Variants in PYM1 observed in about 807,000 individuals in gnomAD.
The protein encoded by PYM1 is PYM1 exon junction complex associated factor, also known as partner of Y14 and mago.
In PYM1, 7 loss-of-function variants were observed where a neutral mutation model predicts 20.7. The observed-to-expected ratio is 0.34, with a 90% confidence interval of 0.19 to 0.64. The LOEUF is 0.64. Among genes scored for constraint, PYM1 ranks in the 30% least tolerant of loss-of-function variants. PYM1 has a pLI of 0.74. For synonymous variants in PYM1, 100 were observed against 99.2 expected, an observed-to-expected ratio of 1.01 and a Z score of -0.05; for missense variants, 194 against 250.0, an observed-to-expected ratio of 0.78 and a Z score of 1.51.
At chr12:55,911,960 TAA>T (rs915246858) in intron 1 of PYM1, among the ~76,000 whole-genome samples, 5 of 151,990 alleles carry the variant, frequency 3.3e-5, no homozygotes, top group East Asian at 1.9e-4. Flanking sequence ...TTTGGCAAGA[TAA>T]AAAAAGTCAG....
rs376263353 is a variant in PYM1 at position 55,901,858 on chromosome 12, A to G, written c.*14T>C. ...CGGTTTGTTCTGCAGTCCATTCCCT[A>G]TTCCCCAAAGGCCTCAGAGGCCTAA... On this transcript the variant is annotated 3_prime_UTR_variant, in exon 3 of 3. Coordinates refer to ENST00000408946, the MANE Select transcript of PYM1 (RefSeq NM_032345.3). 14 of 1,589,640 alleles carry G rather than the reference A, an allele frequency of 8.8e-6. No individual in the cohort carries two copies. The highest frequency in any genetic ancestry group is 1.7e-4 in the Middle Eastern group (1 of 5,910).
Position 55,927,742 on chromosome 12 carries a change from G to A in PYM1, c.20C>T (p.Pro7Leu). The stretch of plus-strand genomic sequence containing the variant: ...TCGGTCACCTGTCTCCGTAGCCGCA[G>A]GGCTGCCGGCAGCTTCCATGGCCGA... MEAAGS[P>L]AATETGKYIA... Residue 7 changes from proline (P) to leucine (L), a missense_variant, in exon 1 of 3, where the codon CCT (proline) becomes CTT (leucine). This residue lies in a region of PYM1 where 19 missense variants were observed against 17.8 expected (regional missense o/e 1.07). Coordinates refer to ENST00000408946, the MANE Select transcript of PYM1 (RefSeq NM_032345.3). The A allele has an allele frequency of 6.5e-7, 1 of 1,539,920 alleles. No homozygotes were observed. The highest frequency in any genetic ancestry group is 8.7e-7 in the Non-Finnish European group (1 of 1,146,598).
intron 1 of PYM1, among the ~76,000 whole-genome samples, chr12:55,915,720 C>T (rs12827688): frequency 0.063 from 9,584 of 152,062 alleles, 371 homozygotes; most frequent in Non-Finnish European, 0.09. Flanking sequence ...GTAAGAGTGT[C>T]GTAAGTATCC....
chr12:55,901,717 G>A lies in PYM1; in HGVS notation c.*155C>T. ...TGGGAAGAAAAGGGAAGGATTGAGG[G>A]AGACGCTAGGCTCTGGAGGACAGAG... is the stretch of plus-strand genomic sequence containing the variant. On this transcript the variant is annotated 3_prime_UTR_variant, in exon 3 of 3. Transcript: ENST00000408946. 1 of 1,071,856 alleles carries A rather than the reference G, an allele frequency of 9.3e-7. No individual in the cohort carries two copies. The highest frequency in any genetic ancestry group is 1.3e-6 in the Non-Finnish European group (1 of 751,244). 66.4% of individuals were successfully genotyped at this position (1,071,856 alleles called of 1,614,324 possible). A position where few individuals can be genotyped will look rare whatever the true frequency, so the allele number is the denominator to read the frequency against.
intron 1 of PYM1, among the ~76,000 whole-genome samples, chr12:55,918,104 TTTC>T (rs1390601338): frequency 1.3e-5 from 2 of 151,770 alleles, no homozygotes; most frequent in African/African-American, 4.8e-5. Context: ...TTTTTTTTTT[TTTC>T]TTTTTTTTGA....
At chr12:55,905,780 AT>A (rs1197369570) in intron 1 of PYM1, among the ~76,000 whole-genome samples, 11 of 131,280 alleles carry the variant, frequency 8.4e-5, no homozygotes, top group East Asian at 4.1e-4. Flanking sequence ...TTATATATAT[AT>A]TATTATTATT....
At position 55,903,003 on chromosome 12, in the gene PYM1, G is replaced by C. The variant is rs117853156; in HGVS notation, c.131+384C>G. Among the ~76,000 whole-genome samples the C allele has an allele frequency of 3.6e-3, 543 of 151,212 alleles. 2 individuals are homozygous for C. The highest frequency in any genetic ancestry group is 0.013 in the African/African-American group (518 of 41,192). On this transcript the variant is annotated intron_variant, in intron 2 of 2. Coordinates refer to ENST00000408946, the MANE Select transcript of PYM1 (RefSeq NM_032345.3). Reference sequence around the variant, plus strand: ...TCACCACTTTGGGGAGGCTGTTCTTGAACTCCTGACCTCAAGTAATCCACC... The same window carrying C: ...TCACCACTTTGGGGAGGCTGTTCTTCAACTCCTGACCTCAAGTAATCCACC...
intron 1 of PYM1, among the ~76,000 whole-genome samples, chr12:55,912,017 T>C (rs1882932321): frequency 6.6e-6 from 1 of 152,096 alleles, no homozygotes; most frequent in Admixed American, 6.6e-5. Context: ...TTGGACAACA[T>C]ATTGAGACCC....
chr12:55,922,117 C>T (rs750027572), intron 1 of PYM1, among the ~76,000 whole-genome samples: 2 of 152,068 alleles, frequency 1.3e-5, no homozygotes, highest in Non-Finnish European at 2.9e-5. Context: ...CCTCCAGCCT[C>T]AGCCTCCCAA....
chr12:55,910,042 T>C (rs1310495017), intron 1 of PYM1, among the ~76,000 whole-genome samples: 2 of 152,018 alleles, frequency 1.3e-5, no homozygotes, highest in Non-Finnish European at 2.9e-5. Flanking sequence ...CTTTACGAAC[T>C]ATACAAAAAT....
chr12:55,926,620 A>G (rs1883191894), intron 1 of PYM1, among the ~76,000 whole-genome samples: 1 of 152,240 alleles, frequency 6.6e-6, no homozygotes, highest in South Asian at 2.1e-4. Flanking sequence ...TACTATGTAG[A>G]AACGAGGAGG....
intron 1 of PYM1, chr12:55,927,186 C>G: frequency 1.3e-6 from 2 of 1,544,990 alleles, no homozygotes; most frequent in Non-Finnish European, 1.8e-6. Context: ...GAGTCCCGAT[C>G]GTAGCAAGCC....
intron 1 of PYM1, among the ~76,000 whole-genome samples, chr12:55,921,877 A>G (rs940476473): frequency 1.3e-5 from 2 of 152,180 alleles, no homozygotes; most frequent in African/African-American, 4.8e-5. Flanking sequence ...AAAATGCCAA[A>G]TAGTGTGTTT....
intron 1 of PYM1, among the ~76,000 whole-genome samples, chr12:55,923,699 G>C (rs565729043): frequency 1.3e-5 from 2 of 151,906 alleles, no homozygotes; most frequent in Non-Finnish European, 2.9e-5. Context: ...CTGAGTGTAG[G>C]GTATATGGGA....
chr12:55,921,820 GATATACATAAATTAATAAAGGA>G (rs1883102323), intron 1 of PYM1, among the ~76,000 whole-genome samples: 1 of 152,054 alleles, frequency 6.6e-6, no homozygotes, highest in Non-Finnish European at 1.5e-5. Context: ...AGTCCATATT[GATATACATAAATTAATAAAGGA>G]AAAGAAAAAA....
intron 1 of PYM1, among the ~76,000 whole-genome samples, chr12:55,915,129 C>A (rs1422580578): frequency 6.9e-6 from 1 of 145,876 alleles, no homozygotes; most frequent in Non-Finnish European, 1.5e-5. Flanking sequence ...GCAAGAGAAT[C>A]CCTTGAAGGC....
intron 1 of PYM1, among the ~76,000 whole-genome samples, chr12:55,912,186 G>A (rs1018001206): frequency 2.7e-5 from 4 of 149,934 alleles, no homozygotes; most frequent in Admixed American, 6.7e-5. Context: ...CTATCTCTAC[G>A]AAAATAAAAA....
chr12:55,904,735 G>A (rs1882762103), intron 1 of PYM1, among the ~76,000 whole-genome samples: 1 of 151,696 alleles, frequency 6.6e-6, no homozygotes, highest in Non-Finnish European at 1.5e-5. Context: ...AAATTAGCCG[G>A]GTGTGATGGC....
chr12:55,909,972 G>A (rs10783774), intron 1 of PYM1, among the ~76,000 whole-genome samples: 115,793 of 151,926 alleles, frequency 0.76, 44,480 homozygotes, highest in Middle Eastern at 0.88. Flanking sequence ...GGCCAAGATG[G>A]GAGGATCCCT....
Sources: allele counts gnomAD v4.1 joint callset (sites outside exome capture counted in the v4.1 genomes callset), GRCh38; gene constraint gnomAD v4.1.1; regional missense constraint gnomAD v4.1.1; transcripts MANE v1.5; gene names NCBI Gene and HGNC (gene_info 2026-07-23, HGNC 2026-07-21).